The following TAOK3 variants were observed in gnomAD, a reference collection of about 807,000 sequenced individuals.
TAOK3 encodes serine/threonine-protein kinase TAO3.
TAOK3 carries 40 observed loss-of-function variants against 120.4 expected under a neutral mutation model. That is an observed-to-expected ratio of 0.33 (90% CI 0.26 to 0.43). TAOK3 has a LOEUF of 0.43. Ranked by LOEUF, TAOK3 falls within the 20% of genes least tolerant of loss-of-function variation. The pLI is 1.00. For synonymous variants in TAOK3, 355 were observed against 387.5 expected (o/e 0.92, Z 0.99); for missense variants, 821 against 1,112.1 (o/e 0.74, Z 3.72).
At chr12:118,259,495 A>G (rs1355373783) in intron 2 of TAOK3, among the ~76,000 whole-genome samples, 2 of 152,164 alleles carry the variant, frequency 1.3e-5, no homozygotes, top group African/African-American at 4.8e-5. Flanking sequence ...AGTCAAAATC[A>G]TGCCACTGCA....
chr12:118,193,462 CAT>C (rs1431076950), intron 13 of TAOK3, among the ~76,000 whole-genome samples: 2 of 152,168 alleles, frequency 1.3e-5, no homozygotes, highest in Non-Finnish European at 2.9e-5. Flanking sequence ...AAGAGTGAAA[CAT>C]GTGAAGCATG....
intron 3 of TAOK3, chr12:118,246,574 C>A (rs974755509): frequency 1.9e-6 from 3 of 1,567,616 alleles, no homozygotes; most frequent in African/African-American, 2.7e-5. Context: ...TCCATTGTCC[C>A]CGTGCGCAGA....
chr12:118,159,120 G>C (rs1566232676), intron 19 of TAOK3, among the ~76,000 whole-genome samples: 2 of 152,120 alleles, frequency 1.3e-5, no homozygotes, highest in African/African-American at 4.8e-5. Context: ...TCACACCAAA[G>C]TTCTTTCTGT....
chr12:118,308,077 T>C (rs548167842), intron 1 of TAOK3, among the ~76,000 whole-genome samples: 1 of 151,998 alleles, frequency 6.6e-6, no homozygotes, highest in South Asian at 2.1e-4. Flanking sequence ...AGGCACAAGA[T>C]ACAGGTCATA....
chr12:118,150,957 T>C lies in TAOK3; in HGVS notation c.*40A>G, dbSNP rs1215773981. 3.3e-6 allele frequency: 1 copy of C among 305,000 alleles called. No homozygotes were observed. Among genetic ancestry groups the C allele is most frequent in the Non-Finnish European group, 5.9e-6 (1 of 169,442 alleles). The allele number at this position is 305,000 out of a possible 1,614,324, so 18.9% of individuals were successfully genotyped here. On this transcript the variant is annotated 3_prime_UTR_variant, in exon 21 of 21. Transcript: ENST00000392533. ...AGGGTCTGAATTTTTTTCTGTTTTC[T>C]TTTTTTTTTTTTTTTTTGTAAATGG... is the stretch of plus-strand genomic sequence containing the variant.
intron 1 of TAOK3, among the ~76,000 whole-genome samples, chr12:118,363,252 T>C (rs1334401283): frequency 6.6e-6 from 1 of 152,098 alleles, no homozygotes; most frequent in Non-Finnish European, 1.5e-5. Context: ...AAGTGAATTC[T>C]TCTCTTAGGA....
At chr12:118,159,500 A>G (rs1283924187) in intron 19 of TAOK3, among the ~76,000 whole-genome samples, 1 of 152,002 alleles carries the variant, frequency 6.6e-6, no homozygotes, top group African/African-American at 2.4e-5. Context: ...ATGGGGTTTC[A>G]CCATGTTGGT....
chr12:118,332,821 A>G (rs1236047301), intron 1 of TAOK3, among the ~76,000 whole-genome samples: 1 of 152,216 alleles, frequency 6.6e-6, no homozygotes, highest in Non-Finnish European at 1.5e-5. Context: ...TTAAAAATAT[A>G]GATACTCGAG....
At chr12:118,187,307 T>C (rs2037136079) in intron 14 of TAOK3, among the ~76,000 whole-genome samples, 2 of 152,210 alleles carry the variant, frequency 1.3e-5, no homozygotes, top group Admixed American at 6.5e-5. Flanking sequence ...TTTATTATAC[T>C]GGACTTTCAC....
At chr12:118,179,708 G>A (rs2036577437) in intron 15 of TAOK3, among the ~76,000 whole-genome samples, 1 of 146,394 alleles carries the variant, frequency 6.8e-6, no homozygotes. Context: ...GCAATGGCGT[G>A]ACCTCGGCTC....
At chr12:118,201,059 G>T (rs2037995279) in intron 12 of TAOK3, 1 of 354,066 alleles carries the variant, frequency 2.8e-6, no homozygotes, top group Non-Finnish European at 5.1e-6. Context: ...CCCACCAGCA[G>T]ACTTATTTTC....
intron 11 of TAOK3, among the ~76,000 whole-genome samples, chr12:118,207,563 C>T (rs190202657): frequency 6.6e-6 from 1 of 151,758 alleles, no homozygotes; most frequent in Admixed American, 6.6e-5. Context: ...TGAATTAAAA[C>T]GATTGCATAG....
chr12:118,301,136 A>T (rs1199768156), intron 1 of TAOK3, among the ~76,000 whole-genome samples: 1 of 152,178 alleles, frequency 6.6e-6, no homozygotes, highest in Non-Finnish European at 1.5e-5. Context: ...TTCACTTTCA[A>T]ATAGTGATGG....
At position 118,182,628 on chromosome 12, in the gene TAOK3, T is replaced by A. The variant is rs867029271; in HGVS notation, c.1330-1021A>T. Among the ~76,000 whole-genome samples the A allele has an allele frequency of 4.2e-3, 595 of 142,310 alleles. 3 individuals carry two copies. Among genetic ancestry groups the A allele is most frequent in the African/African-American group, 0.015 (561 of 37,768 alleles). 93.4% of individuals were successfully genotyped at this position (142,310 alleles called of 152,430 possible). On this transcript the variant is annotated intron_variant, in intron 14 of 20. Coordinates refer to ENST00000392533, the MANE Select transcript of TAOK3 (RefSeq NM_016281.4). ...ATATATATATATATATATATATTTT[T>A]TTTTTTTTTTAAGGATCATGTCTCT...
chr12:118,356,575 C>G (rs1187025740), intron 1 of TAOK3, among the ~76,000 whole-genome samples: 1 of 151,880 alleles, frequency 6.6e-6, no homozygotes, highest in African/African-American at 2.4e-5. Context: ...GCTGGGATTA[C>G]AGGCGTCAGC....
intron 1 of TAOK3, among the ~76,000 whole-genome samples, chr12:118,337,376 C>T (rs1283640045): frequency 1.3e-5 from 2 of 152,196 alleles, no homozygotes; most frequent in Non-Finnish European, 2.9e-5. Context: ...AAACCAAACA[C>T]ATAATTACCA....
At chr12:118,253,056 C>A (rs774371148) in intron 3 of TAOK3, among the ~76,000 whole-genome samples, 101 of 152,078 alleles carry the variant, frequency 6.6e-4, no homozygotes, top group Non-Finnish European at 1.0e-3. Context: ...CCAGAAAAAT[C>A]TTTTATTGTA....
rs779129567 is a variant in TAOK3 at position 118,243,475 on chromosome 12, T to C, written c.234A>G (p.Gln78=). Residue 78 remains glutamine, a synonymous_variant, in exon 5 of 21, where the codon CAA becomes CAG. Transcript: ENST00000392533. ...ACTCAATAGTATTAGGATGCTTCAATTGTCGTAAAAATTTAACTTCCTTAA... is the reference window on the plus strand; with the variant it reads ...ACTCAATAGTATTAGGATGCTTCAACTGTCGTAAAAATTTAACTTCCTTAA... The part of the protein sequence containing the change: ...DILKEVKFLR[Q]LKHPNTIEYK... The C allele has an allele frequency of 2.1e-5, 32 of 1,537,106 alleles. No individual in the cohort carries two copies. The highest frequency in any genetic ancestry group is 1.7e-4 in the African/African-American group (12 of 70,108).
intron 2 of TAOK3, among the ~76,000 whole-genome samples, chr12:118,259,186 C>T (rs957321157): frequency 6.6e-6 from 1 of 152,132 alleles, no homozygotes; most frequent in African/African-American, 2.4e-5. Context: ...AATGAAGGGA[C>T]TTCTGCTTCT....
Sources: gnomAD v4.1 joint callset for allele counts (sites outside exome capture counted in the v4.1 genomes callset) on GRCh38, gnomAD v4.1.1 for gene constraint, MANE v1.5 for transcripts, NCBI Gene and HGNC (gene_info 2026-07-23, HGNC 2026-07-21) for gene names.